The following TIGD5 variants were observed in gnomAD, a reference collection of about 807,000 sequenced individuals.
TIGD5 encodes tigger transposable element-derived protein 5.
In TIGD5, 24 loss-of-function variants were observed where a neutral mutation model predicts 28.8. The ratio of observed to expected loss-of-function variants is 0.83; its 90% CI spans 0.60 to 1.17. The LOEUF (loss-of-function observed/expected upper bound fraction) is 1.17. Ranked by LOEUF, TIGD5 falls within the 50% of genes most tolerant of loss-of-function variation. The probability of loss-of-function intolerance (pLI) is 0.00; values close to 1 mark genes in which losing one functional copy is unlikely to be tolerated. For synonymous variants in TIGD5, 538 were observed against 430.5 expected, an observed-to-expected ratio of 1.25 and a Z score of -3.09; for missense variants, 922 against 911.4, an observed-to-expected ratio of 1.01 and a Z score of -0.15.
In TIGD5 at chr8:143,602,675, G is replaced by A. The variant is rs1431774056; in HGVS notation, c.*2843G>A. 1 of 152,308 alleles carries A rather than the reference G, an allele frequency of 6.6e-6. No individual in the cohort carries two copies. The highest frequency in any genetic ancestry group is 1.5e-5 in the Non-Finnish European group (1 of 68,102). 9.4% of individuals were successfully genotyped at this position (152,308 alleles called of 1,614,324 possible). A position where few individuals can be genotyped will look rare whatever the true frequency, so the allele number is the denominator to read the frequency against. ...TCCCTGCAGGCGCAGGGGTGGGTGG[G>A]GGTGCCTGTGGCCTCGGAGGTACAG... On this transcript the variant is annotated 3_prime_UTR_variant, in exon 1 of 1. Coordinates refer to ENST00000504548, the MANE Select transcript of TIGD5 (RefSeq NM_032862.5).
chr8:143,599,594 T>C lies in TIGD5; in HGVS notation c.1691T>C (p.Leu564Pro). The change falls in exon 1 of 1, where the codon CTG (leucine) becomes CCG (proline). Residue 564 changes from leucine (L) to proline (P), a missense_variant. By Grantham distance (98) the Leu-to-Pro change is moderately conservative. Around this residue, in one of 3 missense-constraint regions of TIGD5, gnomAD observed 821 missense variants for 815.2 expected, o/e 1.01. Coordinates refer to ENST00000504548, the MANE Select transcript of TIGD5 (RefSeq NM_032862.5). ...GCAGCGCCTCCGGCCCCAGCCAGTC[T>C]GCCCTCTGCCATGGGGGGCGGAGAG... ...PPAAPPAPASLPSAMGGGEDE... is the reference protein window; with the variant it reads ...PPAAPPAPASPPSAMGGGEDE... 6.5e-7 allele frequency: 1 copy of C among 1,532,434 alleles called. No homozygotes were observed. Among genetic ancestry groups the C allele is most frequent in the Non-Finnish European group, 8.8e-7 (1 of 1,142,652 alleles). The allele number at this position is 1,532,434 out of a possible 1,614,324, so 94.9% of individuals were successfully genotyped here. A position where few individuals can be genotyped will look rare whatever the true frequency, so the allele number is the denominator to read the frequency against.
Position 143,597,963 on chromosome 8 carries a change from C to T in TIGD5, c.60C>T (p.Pro20=), listed in dbSNP as rs1400605079. The change falls in exon 1 of 1, where the codon CCC becomes CCT. Residue 20 remains proline (P), a synonymous_variant. Coordinates refer to ENST00000504548, the MANE Select transcript of TIGD5 (RefSeq NM_032862.5). ...PVPRRGRRPL[P]GPPAPAPAPV... ...CGCGCCGCGGCCGCCGTCCCCTGCC[C>T]GGGCCCCCCGCGCCCGCCCCAGCCC... The T allele has an allele frequency of 1.6e-5, 14 of 898,128 alleles. No individual in the cohort carries two copies. The highest frequency in any genetic ancestry group is 1.7e-5 in the Non-Finnish European group (13 of 751,944). 55.6% of individuals were successfully genotyped at this position (898,128 alleles called of 1,614,324 possible).
In TIGD5 at chr8:143,598,735, C is replaced by A. The variant is rs1284607015; in HGVS notation, c.832C>A (p.Leu278Met). 1 of 1,549,628 alleles carries A rather than the reference C, an allele frequency of 6.5e-7. No individual in the cohort carries two copies. Among genetic ancestry groups the A allele is most frequent in the Admixed American group, 1.9e-5 (1 of 53,092 alleles). The change falls in exon 1 of 1, where the codon CTG becomes ATG. Residue 278 changes from leucine (L) to methionine (M), a missense_variant. Physicochemically the swap from Leu to Met is conservative, Grantham distance 15. This residue lies in a region of TIGD5 where 821 missense variants were observed against 815.2 expected (regional missense o/e 1.01). Coordinates refer to ENST00000504548, the MANE Select transcript of TIGD5 (RefSeq NM_032862.5). This position sits in a 1 kb window ranked among gnomAD's most constrained non-coding sequence, Gnocchi z 6.6. ...CTGGCGGGGCGACCGCGTAACGGTG[C>A]TGCTGGCCGCAAACCTGACCGGCAG... ...RRWRGDRVTVLLAANLTGSHK... is the reference protein window; with the variant it reads ...RRWRGDRVTVMLAANLTGSHK...
At position 143,598,929 on chromosome 8, in the gene TIGD5, C is replaced by T. The variant is rs950782268; in HGVS notation, c.1026C>T (p.Arg342=). The change falls in exon 1 of 1, where the codon CGC becomes CGT. Residue 342 remains arginine, a synonymous_variant. Transcript: ENST00000504548. The surrounding 1 kb of genome is among the most constrained non-coding windows in gnomAD (Gnocchi z 6.6). The stretch of plus-strand genomic sequence containing the variant: ...AGGAATTTGTCCCAGGCGTCAAACG[C>T]TACCTGCGCCGAAGCTGCCTGCAGC... ...FFEEFVPGVK[R]YLRRSCLQQK... 4 of 1,592,314 alleles carry T rather than the reference C, an allele frequency of 2.5e-6. No homozygotes were observed. The highest frequency in any genetic ancestry group is 3.4e-6 in the Non-Finnish European group (4 of 1,177,100).
At position 143,598,279 on chromosome 8, in the gene TIGD5, C is replaced by T; in HGVS notation, c.376C>T (p.Arg126Cys). The change falls in exon 1 of 1, where the codon CGC becomes TGC. Residue 126 changes from arginine (R) to cysteine (C), a missense_variant. Arg to Cys is a radical substitution (Grantham distance 180, BLOSUM62 -3). Coordinates refer to ENST00000504548, the MANE Select transcript of TIGD5 (RefSeq NM_032862.5). This position sits in a 1 kb window ranked among gnomAD's most constrained non-coding sequence, Gnocchi z 6.6. ...MRLANEEEID[R>C]AVYAWFLALR... ...GCTGGCCAACGAGGAGGAGATCGAC[C>T]GCGCCGTGTACGCCTGGTTCCTGGC... 6.2e-7 allele frequency: 1 copy of T among 1,610,002 alleles called. No homozygotes were observed. Among genetic ancestry groups the T allele is most frequent in the Non-Finnish European group, 8.5e-7 (1 of 1,178,850 alleles).
At position 143,600,023 on chromosome 8, in the gene TIGD5, G is replaced by C; in HGVS notation, c.*191G>C. ...TCGCCCTGCCTCACTGGCACCCTGG[G>C]GGCACAGCTGGAAGAGAGGCCTGGC... is the stretch of plus-strand genomic sequence containing the variant. On this transcript the variant is annotated 3_prime_UTR_variant, in exon 1 of 1. Coordinates refer to ENST00000504548, the MANE Select transcript of TIGD5 (RefSeq NM_032862.5). 1 of 527,052 alleles carries C rather than the reference G, an allele frequency of 1.9e-6. No homozygotes were observed. The highest frequency in any genetic ancestry group is 3.0e-6 in the Non-Finnish European group (1 of 331,122). 32.6% of individuals were successfully genotyped at this position (527,052 alleles called of 1,614,324 possible).
chr8:143,598,456 C>A lies in TIGD5; in HGVS notation c.553C>A (p.Arg185Ser). The change falls in exon 1 of 1, where the codon CGC (arginine) becomes AGC (serine). Residue 185 changes from arginine to serine, a missense_variant. Physicochemically the swap from Arg to Ser is moderately radical, Grantham distance 110. Coordinates refer to ENST00000504548, the MANE Select transcript of TIGD5 (RefSeq NM_032862.5). This position sits in a 1 kb window ranked among gnomAD's most constrained non-coding sequence, Gnocchi z 6.6. ...GAAGCGCCACGGCATCTCCAGCCAG[C>A]GCTTCTACGGCGAGGCCGGGCCCCC... Reference protein sequence around the residue: ...WQKRHGISSQRFYGEAGPPAP... With the variant: ...WQKRHGISSQSFYGEAGPPAP... 2 of 1,478,742 alleles carry A rather than the reference C, an allele frequency of 1.4e-6. No homozygotes were observed. Among genetic ancestry groups the A allele is most frequent in the Non-Finnish European group, 1.8e-6 (2 of 1,118,188 alleles). The allele number at this position is 1,478,742 out of a possible 1,614,324, so 91.6% of individuals were successfully genotyped here. A position where few individuals can be genotyped will look rare whatever the true frequency, so the allele number is the denominator to read the frequency against.
At position 143,598,278 on chromosome 8, in the gene TIGD5, C is replaced by T. The variant is rs1829137286; in HGVS notation, c.375C>T (p.Asp125=). 1 of 1,609,902 alleles carries T rather than the reference C, an allele frequency of 6.2e-7. No individual in the cohort carries two copies. The highest frequency in any genetic ancestry group is 1.7e-5 in the Admixed American group (1 of 59,864). Residue 125 remains aspartate, a synonymous_variant, in exon 1 of 1, where the codon GAC becomes GAT. Transcript: ENST00000504548. The surrounding 1 kb of genome is among the most constrained non-coding windows in gnomAD (Gnocchi z 6.6). ...GGCTGGCCAACGAGGAGGAGATCGA[C>T]CGCGCCGTGTACGCCTGGTTCCTGG... is the stretch of plus-strand genomic sequence containing the variant. ...KMRLANEEEI[D]RAVYAWFLAL...
In TIGD5 at chr8:143,598,615, A is replaced by G. The variant is rs1403492036; in HGVS notation, c.712A>G (p.Ser238Gly). ...CGGCTACGGGGACGAGCAGATTTAC[A>G]GCGCCAGCGTCACCGGCCTCTACTG... ...EGGYGDEQIY[S>G]ASVTGLYWKL... The change falls in exon 1 of 1, where the codon AGC (serine) becomes GGC (glycine). Residue 238 changes from serine to glycine, a missense_variant. Coordinates refer to ENST00000504548, the MANE Select transcript of TIGD5 (RefSeq NM_032862.5). This position sits in a 1 kb window ranked among gnomAD's most constrained non-coding sequence, Gnocchi z 6.6. The G allele has an allele frequency of 8.3e-6, 12 of 1,451,476 alleles. No homozygotes were observed. Among genetic ancestry groups the G allele is most frequent in the South Asian group, 1.3e-5 (1 of 74,164 alleles). 89.9% of individuals were successfully genotyped at this position (1,451,476 alleles called of 1,614,324 possible).
Position 143,598,685 on chromosome 8 carries a change from C to G in TIGD5, c.782C>G (p.Pro261Arg), listed in dbSNP as rs1449782639. The G allele has an allele frequency of 4.7e-6, 7 of 1,501,378 alleles. No homozygotes were observed. The highest frequency in any genetic ancestry group is 6.2e-6 in the Non-Finnish European group (7 of 1,135,998). The allele number at this position is 1,501,378 out of a possible 1,614,324, so 93.0% of individuals were successfully genotyped here. A position where few individuals can be genotyped will look rare whatever the true frequency, so the allele number is the denominator to read the frequency against. ...GCTGCGCCCCCGGGCGCAGGGGACC[C>G]CGGGGCGGGGGGCTGTGGCCGGCGC... The part of the protein sequence containing the change: ...EQAAPPGAGD[P>R]GAGGCGRRWR... Residue 261 changes from proline (P) to arginine (R), a missense_variant, in exon 1 of 1, where the codon CCC becomes CGC. This residue lies in a region of TIGD5 where 821 missense variants were observed against 815.2 expected (regional missense o/e 1.01). Coordinates refer to ENST00000504548, the MANE Select transcript of TIGD5 (RefSeq NM_032862.5). The surrounding 1 kb of genome is among the most constrained non-coding windows in gnomAD (Gnocchi z 6.6).
In TIGD5 at chr8:143,598,700, G is replaced by A. The variant is rs1004664830; in HGVS notation, c.797G>A (p.Cys266Tyr). Residue 266 changes from cysteine to tyrosine, a missense_variant, in exon 1 of 1, where the codon TGT (cysteine) becomes TAT (tyrosine). This residue lies in a region of TIGD5 where 821 missense variants were observed against 815.2 expected (regional missense o/e 1.01). Transcript: ENST00000504548. The surrounding 1 kb of genome is among the most constrained non-coding windows in gnomAD (Gnocchi z 6.6). Reference sequence around the variant, plus strand: ...GCAGGGGACCCCGGGGCGGGGGGCTGTGGCCGGCGCTGGCGGGGCGACCGC... The same window carrying A: ...GCAGGGGACCCCGGGGCGGGGGGCTATGGCCGGCGCTGGCGGGGCGACCGC... ...PGAGDPGAGG[C>Y]GRRWRGDRVT... 1.3e-6 allele frequency: 2 copies of A among 1,501,714 alleles called. No individual in the cohort carries two copies. The highest frequency in any genetic ancestry group is 2.3e-5 in the Admixed American group (1 of 44,394). 93.0% of individuals were successfully genotyped at this position (1,501,714 alleles called of 1,614,324 possible).
rs1229401395 is a variant in TIGD5, at chr8:143,597,964, G to T, written c.61G>T (p.Gly21Trp). 2.2e-6 allele frequency: 2 copies of T among 892,402 alleles called. No homozygotes were observed. The highest frequency in any genetic ancestry group is 1.3e-4 in the Admixed American group (2 of 15,786). 55.3% of individuals were successfully genotyped at this position (892,402 alleles called of 1,614,324 possible). The stretch of plus-strand genomic sequence containing the variant: ...GCGCCGCGGCCGCCGTCCCCTGCCC[G>T]GGCCCCCCGCGCCCGCCCCAGCCCC... ...VPRRGRRPLP[G>W]PPAPAPAPVP... The change falls in exon 1 of 1, where the codon GGG (glycine) becomes TGG (tryptophan). Residue 21 changes from glycine (G) to tryptophan (W), a missense_variant. This residue lies in a region of TIGD5 where 87 missense variants were observed against 60.9 expected (regional missense o/e 1.43). Transcript: ENST00000504548.
At position 143,599,428 on chromosome 8, in the gene TIGD5, G is replaced by T; in HGVS notation, c.1525G>T (p.Val509Leu). The change falls in exon 1 of 1, where the codon GTG becomes TTG. Residue 509 changes from valine (V) to leucine (L), a missense_variant. Physicochemically the swap from Val to Leu is conservative, Grantham distance 32. This residue lies in a region of TIGD5 where 821 missense variants were observed against 815.2 expected (regional missense o/e 1.01). Coordinates refer to ENST00000504548, the MANE Select transcript of TIGD5 (RefSeq NM_032862.5). ...CGAGGAAGCCGCCGAGCACAGCAGGGTGCTCAGCGACCTCACCCACCTGGC... is the reference window on the plus strand; with the variant it reads ...CGAGGAAGCCGCCGAGCACAGCAGGTTGCTCAGCGACCTCACCCACCTGGC... ...QAEEAAEHSR[V>L]LSDLTHLAAL... 6.4e-7 allele frequency: 1 copy of T among 1,573,210 alleles called. No homozygotes were observed. The highest frequency in any genetic ancestry group is 8.6e-7 in the Non-Finnish European group (1 of 1,160,080).
chr8:143,601,806 T>TA lies in TIGD5; in HGVS notation c.*1978dup, dbSNP rs1447792204. 2.0e-5 allele frequency: 3 copies of TA among 152,010 alleles called. No individual in the cohort carries two copies. The highest frequency in any genetic ancestry group is 7.2e-5 in the African/African-American group (3 of 41,384). 9.4% of individuals were successfully genotyped at this position (152,010 alleles called of 1,614,324 possible). A position where few individuals can be genotyped will look rare whatever the true frequency, so the allele number is the denominator to read the frequency against. On this transcript the variant is annotated 3_prime_UTR_variant, in exon 1 of 1. Transcript: ENST00000504548. ...GGCAGCACTAATTTTTGCTATAAGA[T>TA]AAAAGAGGCCAGGCACGTTGGCTCA...
Position 143,598,880 on chromosome 8 carries a change from C to T in TIGD5, c.977C>T (p.Pro326Leu). 4 of 1,599,448 alleles carry T rather than the reference C, an allele frequency of 2.5e-6. No homozygotes were observed. The highest frequency in any genetic ancestry group is 3.4e-6 in the Non-Finnish European group (4 of 1,179,516). The change falls in exon 1 of 1, where the codon CCG (proline) becomes CTG (leucine). Residue 326 changes from proline (P) to leucine (L), a missense_variant. Coordinates refer to ENST00000504548, the MANE Select transcript of TIGD5 (RefSeq NM_032862.5). This position sits in a 1 kb window ranked among gnomAD's most constrained non-coding sequence, Gnocchi z 6.6. ...AGCCCCGACGCCTGGCTCAGCCGCCCGCTGCTGCGGGGCTGGTTCTTTGAG... is the reference window on the plus strand; with the variant it reads ...AGCCCCGACGCCTGGCTCAGCCGCCTGCTGCTGCGGGGCTGGTTCTTTGAG... ...RYSPDAWLSR[P>L]LLRGWFFEEF...
chr8:143,598,533 C>G lies in TIGD5; in HGVS notation c.630C>G (p.Pro210=). 2 of 1,313,534 alleles carry G rather than the reference C, an allele frequency of 1.5e-6. No homozygotes were observed. The highest frequency in any genetic ancestry group is 1.9e-6 in the Non-Finnish European group (2 of 1,037,234). The allele number at this position is 1,313,534 out of a possible 1,614,324, so 81.4% of individuals were successfully genotyped here. A position where few individuals can be genotyped will look rare whatever the true frequency, so the allele number is the denominator to read the frequency against. Residue 210 remains proline, a synonymous_variant, in exon 1 of 1, where the codon CCC becomes CCG. Coordinates refer to ENST00000504548, the MANE Select transcript of TIGD5 (RefSeq NM_032862.5). The surrounding 1 kb of genome is among the most constrained non-coding windows in gnomAD (Gnocchi z 6.6). ...GPPVKEEPAL[P]SGAGPLPDRA... Reference sequence around the variant, plus strand: ...CCGTCAAGGAGGAGCCCGCGCTGCCCTCCGGCGCCGGCCCCCTGCCCGACC... The same window carrying G: ...CCGTCAAGGAGGAGCCCGCGCTGCCGTCCGGCGCCGGCCCCCTGCCCGACC...
chr8:143,601,197 C>T lies in TIGD5; in HGVS notation c.*1365C>T, dbSNP rs1193095061. The T allele has an allele frequency of 6.6e-6, 1 of 152,196 alleles. No homozygotes were observed. The highest frequency in any genetic ancestry group is 1.5e-5 in the Non-Finnish European group (1 of 68,048). 9.4% of individuals were successfully genotyped at this position (152,196 alleles called of 1,614,324 possible). A position where few individuals can be genotyped will look rare whatever the true frequency, so the allele number is the denominator to read the frequency against. On this transcript the variant is annotated 3_prime_UTR_variant, in exon 1 of 1. Transcript: ENST00000504548. The stretch of plus-strand genomic sequence containing the variant: ...TCCAGGAACAAACAGTTCCTTGGAA[C>T]TGCCCGCAAGTGAAGAAATATATAC...
rs1248071829 is a variant in TIGD5, at chr8:143,599,479, CCGGAGGAGGTTG to C, written c.1582_1593del (p.Glu528_Glu531del). The C allele has an allele frequency of 6.3e-7, 1 of 1,592,148 alleles. No homozygotes were observed. On this transcript the variant is annotated inframe_deletion, in exon 1 of 1. Coordinates refer to ENST00000504548, the MANE Select transcript of TIGD5 (RefSeq NM_032862.5). ...GGCTCTGGCCTACAAGTGCCTGGCT[CCGGAGGAGGTTG>C]CGGAGTGGCTGCACCTGGACGATGA...
chr8:143,601,701 G>A lies in TIGD5; in HGVS notation c.*1869G>A, dbSNP rs778267502. The A allele has an allele frequency of 3.3e-5, 5 of 152,302 alleles. No individual in the cohort carries two copies. Among genetic ancestry groups the A allele is most frequent in the African/African-American group, 7.2e-5 (3 of 41,468 alleles). The allele number at this position is 152,302 out of a possible 1,614,324, so 9.4% of individuals were successfully genotyped here. A position where few individuals can be genotyped will look rare whatever the true frequency, so the allele number is the denominator to read the frequency against. ...GCCCGGGTCCCAGGAGGCTGGTGTC[G>A]GTGAGGGCAGGCCCGCTCCTCTCAT... is the stretch of plus-strand genomic sequence containing the variant. On this transcript the variant is annotated 3_prime_UTR_variant, in exon 1 of 1. Coordinates refer to ENST00000504548, the MANE Select transcript of TIGD5 (RefSeq NM_032862.5).
Sources: allele counts gnomAD v4.1 joint callset, GRCh38; gene constraint gnomAD v4.1.1; regional missense constraint gnomAD v4.1.1; non-coding constraint Gnocchi (gnomAD v3.1); transcripts MANE v1.5; gene names NCBI Gene and HGNC (gene_info 2026-07-23, HGNC 2026-07-21).